DRC8: variants seen among roughly 807,000 people sequenced by gnomAD.
DRC8 encodes the protein dynein regulatory complex protein 8.
the DRC8 span, among the ~76,000 whole-genome samples, chr1:245,072,532 T>C: frequency 6.6e-6 from 1 of 152,178 alleles, no homozygotes; most frequent in South Asian, 2.1e-4. Flanking sequence ...CCACCACGCC[T>C]GGCCTCAGAG....
chr1:244,985,356 T>C, the DRC8 span, among the ~76,000 whole-genome samples: 1 of 152,254 alleles, frequency 6.6e-6, no homozygotes, highest in Non-Finnish European at 1.5e-5. Flanking sequence ...TTAGGTGTTC[T>C]AATTTCTTCA....
At chr1:245,061,785 T>G in the DRC8 span, among the ~76,000 whole-genome samples, 1 of 152,230 alleles carries the variant, frequency 6.6e-6, no homozygotes, top group Non-Finnish European at 1.5e-5. Context: ...TCAAACTATT[T>G]AAATGTATGT....
the DRC8 span, among the ~76,000 whole-genome samples, chr1:245,031,754 G>A: frequency 6.6e-6 from 1 of 152,116 alleles, no homozygotes; most frequent in African/African-American, 2.4e-5. Context: ...GGTGAGCACT[G>A]TCCCAGGCGG....
the DRC8 span, among the ~76,000 whole-genome samples, chr1:245,066,878 G>A: frequency 7.9e-5 from 12 of 152,082 alleles, no homozygotes; most frequent in African/African-American, 2.9e-4. Flanking sequence ...GTGCACTCCA[G>A]CCTGGGTGAC....
chr1:245,071,654 C>T, the DRC8 span, among the ~76,000 whole-genome samples: 3 of 152,174 alleles, frequency 2.0e-5, no homozygotes, highest in East Asian at 1.9e-4. Flanking sequence ...CCTTCCTGGA[C>T]GGCATTTTAG....
chr1:245,053,881 G>A, the DRC8 span, among the ~76,000 whole-genome samples: 4 of 152,214 alleles, frequency 2.6e-5, no homozygotes, highest in African/African-American at 7.2e-5. Context: ...TCTCTCACAT[G>A]TAGCACCTTG....
chr1:245,027,700 A>G, the DRC8 span, among the ~76,000 whole-genome samples: 1 of 152,132 alleles, frequency 6.6e-6, no homozygotes, highest in Non-Finnish European at 1.5e-5. Flanking sequence ...TATCTTAGGT[A>G]TATTTTTATT....
chr1:245,009,111 C>T, the DRC8 span, among the ~76,000 whole-genome samples: 1 of 141,420 alleles, frequency 7.1e-6, no homozygotes, highest in Non-Finnish European at 1.5e-5. Flanking sequence ...CCTCAGCTCA[C>T]TGCAACCTCC....
At chr1:244,982,455 A>G in the DRC8 span, among the ~76,000 whole-genome samples, 1 of 152,172 alleles carries the variant, frequency 6.6e-6, no homozygotes, top group East Asian at 1.9e-4. Flanking sequence ...ACTTGAGGTT[A>G]GGAGTGTGAG....
chr1:245,106,251 G>A, the DRC8 span, among the ~76,000 whole-genome samples: 17 of 152,284 alleles, frequency 1.1e-4, no homozygotes, highest in East Asian at 2.3e-3. Flanking sequence ...TGCATTAGCA[G>A]TTACACTGCT....
chr1:245,034,969 T>G, the DRC8 span, among the ~76,000 whole-genome samples: 4 of 151,192 alleles, frequency 2.6e-5, no homozygotes, highest in East Asian at 7.8e-4. Flanking sequence ...GATTAAAACA[T>G]AGGAAAATTT....
At chr1:245,037,896 C>T in the DRC8 span, among the ~76,000 whole-genome samples, 1 of 151,644 alleles carries the variant, frequency 6.6e-6, no homozygotes, top group Admixed American at 6.6e-5. Flanking sequence ...ACAATAGCAA[C>T]AAAAAAGCTA....
chr1:245,042,574 C>G, the DRC8 span, among the ~76,000 whole-genome samples: 1,339 of 152,234 alleles, frequency 8.8e-3, 21 homozygotes, highest in African/African-American at 0.031. Context: ...GTTCTGTAAA[C>G]GATACCAGCA....
chr1:245,106,133 C>T, the DRC8 span, among the ~76,000 whole-genome samples: 1 of 152,160 alleles, frequency 6.6e-6, no homozygotes, highest in Admixed American at 6.6e-5. Context: ...CTTAAAATTG[C>T]CTGTATCCCT....
At chr1:244,982,529 T>C in the DRC8 span, among the ~76,000 whole-genome samples, 1 of 151,724 alleles carries the variant, frequency 6.6e-6, no homozygotes, top group Non-Finnish European at 1.5e-5. Flanking sequence ...CCAGGCGTGG[T>C]GGCGTGTGCC....
At chr1:245,108,859 G>GC in the DRC8 span, among the ~76,000 whole-genome samples, 1 of 152,018 alleles carries the variant, frequency 6.6e-6, no homozygotes, top group Non-Finnish European at 1.5e-5. Flanking sequence ...TCTAGGCTCA[G>GC]CCCCATCCGA....
the DRC8 span, chr1:245,083,617 C>G: frequency 1.9e-6 from 3 of 1,605,758 alleles, no homozygotes; most frequent in Non-Finnish European, 2.5e-6. Flanking sequence ...TTTCTTTTCC[C>G]CTAGGTTTTA....
At chr1:245,031,027 T>C in the DRC8 span, among the ~76,000 whole-genome samples, 1 of 152,170 alleles carries the variant, frequency 6.6e-6, no homozygotes, top group Non-Finnish European at 1.5e-5. Context: ...AACCTATACA[T>C]TCAGAAACTC....
At chr1:245,115,478 A>C in the DRC8 span, among the ~76,000 whole-genome samples, 3 of 152,252 alleles carry the variant, frequency 2.0e-5, no homozygotes, top group Non-Finnish European at 4.4e-5. Context: ...AGTGAAGTTC[A>C]GGGAACCTGG....
Sources: allele counts gnomAD v4.1 joint callset (sites outside exome capture counted in the v4.1 genomes callset), GRCh38; gene constraint gnomAD v4.1.1; transcripts MANE v1.5; gene names NCBI Gene and HGNC (gene_info 2026-07-23, HGNC 2026-07-21).